Variants in TMEM65 observed in about 807,000 individuals in gnomAD.
TMEM65 encodes the protein transmembrane protein 65.
In TMEM65, 22 loss-of-function variants were observed where a neutral mutation model predicts 25.4. That is an observed-to-expected ratio of 0.86 (90% CI 0.62 to 1.23). The LOEUF (loss-of-function observed/expected upper bound fraction) is 1.23, where lower values mean the gene tolerates loss of function less well. Ranked by LOEUF, TMEM65 falls within the 50% of genes most tolerant of loss-of-function variation. TMEM65 has a pLI of 0.00. For synonymous variants in TMEM65, 132 were observed against 126.2 expected (o/e 1.05, Z -0.31); for missense variants, 262 against 308.2 (o/e 0.85, Z 1.12).
chr8:124,371,997 A>T lies in TMEM65; in HGVS notation c.161T>A (p.Leu54Gln). The T allele has an allele frequency of 7.2e-7, 1 of 1,396,828 alleles. No individual in the cohort carries two copies. The allele number at this position is 1,396,828 out of a possible 1,614,324, so 86.5% of individuals were successfully genotyped here. The change falls in exon 1 of 7, where the codon CTG (leucine) becomes CAG (glutamine). Residue 54 changes from leucine (L) to glutamine (Q), a missense_variant. By Grantham distance (113) the Leu-to-Gln change is moderately radical. Coordinates refer to ENST00000297632, the MANE Select transcript of TMEM65 (RefSeq NM_194291.3). ...GGGCTCCTTCTTGGGGTGCGTGCCC[A>T]GCCGCCTGGGGCCGCCCGGCAAGCC... ...PGGLPGGPRR[L>Q]GTHPKKEPME...
intron 1 of TMEM65, among the ~76,000 whole-genome samples, chr8:124,368,766 G>T (rs1814973780): frequency 6.6e-6 from 1 of 152,178 alleles, no homozygotes; most frequent in African/African-American, 2.4e-5. Flanking sequence ...TGCCACCCCA[G>T]CTGAGAGCTT....
chr8:124,318,869 A>G (rs1814272017), intron 6 of TMEM65, among the ~76,000 whole-genome samples: 1 of 152,160 alleles, frequency 6.6e-6, no homozygotes, highest in African/African-American at 2.4e-5. Context: ...TGACTCTCCT[A>G]TTGAATATTG....
At chr8:124,330,575 T>C (rs1289640476) in intron 2 of TMEM65, among the ~76,000 whole-genome samples, 173 bp downstream of exon 2, 1 of 152,018 alleles carries the variant, frequency 6.6e-6, no homozygotes, top group Non-Finnish European at 1.5e-5. Context: ...TACAATATTG[T>C]GTTACATCCT....
At chr8:124,371,648 C>T (rs973973250) in intron 1 of TMEM65, among the ~76,000 whole-genome samples, 3 of 152,342 alleles carry the variant, frequency 2.0e-5, no homozygotes, top group African/African-American at 7.2e-5. Context: ...CGACCCGCGC[C>T]CGTCCTACCT....
intron 1 of TMEM65, among the ~76,000 whole-genome samples, chr8:124,334,061 T>C (rs1814471713): frequency 6.6e-6 from 1 of 152,110 alleles, no homozygotes; most frequent in Non-Finnish European, 1.5e-5. Flanking sequence ...GCAAAATAAG[T>C]AAAGATTTGA....
chr8:124,361,782 G>A (rs974409514), intron 1 of TMEM65, among the ~76,000 whole-genome samples: 2 of 152,000 alleles, frequency 1.3e-5, no homozygotes, highest in African/African-American at 4.8e-5. Context: ...GTTGCAGTGA[G>A]CGGAGATTGC....
chr8:124,347,190 A>G (rs1814649376), intron 1 of TMEM65, among the ~76,000 whole-genome samples: 2 of 152,212 alleles, frequency 1.3e-5, no homozygotes, highest in Admixed American at 6.5e-5. Flanking sequence ...GCAGAGCTTA[A>G]CTTTTAATTT....
intron 1 of TMEM65, among the ~76,000 whole-genome samples, chr8:124,338,509 C>T (rs1814539529): frequency 6.6e-6 from 1 of 151,800 alleles, no homozygotes; most frequent in South Asian, 2.1e-4. Flanking sequence ...TAATGTTACA[C>T]TCATATTTTC....
At chr8:124,319,971 T>C (rs531901634) in intron 6 of TMEM65, 115 bp downstream of exon 6, 8 of 685,906 alleles carry the variant, frequency 1.2e-5, no homozygotes, top group Non-Finnish European at 1.4e-5. Flanking sequence ...TAGACAATTT[T>C]TGTTAAAAAC....
chr8:124,315,481 C>T (rs914499301), intron 6 of TMEM65, among the ~76,000 whole-genome samples: 2 of 151,922 alleles, frequency 1.3e-5, no homozygotes, highest in Non-Finnish European at 2.9e-5. Flanking sequence ...ACCACCACGC[C>T]CGGCTAATTT....
At chr8:124,337,466 T>C (rs1486900063) in intron 1 of TMEM65, among the ~76,000 whole-genome samples, 2 of 152,046 alleles carry the variant, frequency 1.3e-5, no homozygotes, top group Non-Finnish European at 2.9e-5. Context: ...CAAACTTCTT[T>C]ACATGTCCTC....
Position 124,372,154 on chromosome 8 carries a change from A to T in TMEM65, c.4T>A (p.Ser2Thr), listed in dbSNP as rs1250810314. Residue 2 changes from serine (S) to threonine (T), a missense_variant, in exon 1 of 7, where the codon TCC becomes ACC. Transcript: ENST00000297632. ...CTCCTCAGCAGCGGCAGCAGCCGGG[A>T]CATGGCGAGCTGAGGAGCTGGGACC... is the stretch of plus-strand genomic sequence containing the variant. M[S>T]RLLPLLRSRT... 1 of 1,175,338 alleles carries T rather than the reference A, an allele frequency of 8.5e-7. No individual in the cohort carries two copies. Among genetic ancestry groups the T allele is most frequent in the Non-Finnish European group, 1.1e-6 (1 of 944,668 alleles). The allele number at this position is 1,175,338 out of a possible 1,614,324, so 72.8% of individuals were successfully genotyped here.
intron 1 of TMEM65, among the ~76,000 whole-genome samples, chr8:124,363,072 C>T (rs1455488145): frequency 1.2e-4 from 18 of 152,136 alleles, no homozygotes; most frequent in African/African-American, 4.1e-4. Context: ...TGATTAAGTG[C>T]GTTAAATCTT....
intron 1 of TMEM65, among the ~76,000 whole-genome samples, chr8:124,368,784 A>C (rs2131234165): frequency 6.6e-6 from 1 of 152,274 alleles, no homozygotes. Context: ...CTTGATTTCA[A>C]CTTCTTAAGA....
At chr8:124,318,624 C>T (rs189808747) in intron 6 of TMEM65, among the ~76,000 whole-genome samples, 219 of 152,168 alleles carry the variant, frequency 1.4e-3, no homozygotes, top group African/African-American at 5.1e-3. Context: ...GATCCACCCG[C>T]CTCGGCCTCC....
intron 1 of TMEM65, among the ~76,000 whole-genome samples, chr8:124,354,228 T>A (rs1814747973): frequency 6.6e-6 from 1 of 152,200 alleles, no homozygotes; most frequent in African/African-American, 2.4e-5. Context: ...CTGTTCCAGA[T>A]GGATGGAAAT....
chr8:124,334,588 AC>A (rs1814480505), intron 1 of TMEM65, among the ~76,000 whole-genome samples: 1 of 151,550 alleles, frequency 6.6e-6, no homozygotes. Flanking sequence ...ACATGGTGAA[AC>A]CCCATCTGTA....
chr8:124,356,983 C>T (rs1331722674), intron 1 of TMEM65, among the ~76,000 whole-genome samples: 2 of 152,110 alleles, frequency 1.3e-5, no homozygotes, highest in Admixed American at 6.5e-5. Flanking sequence ...GATGGGATTA[C>T]AGGTGTGAGC....
chr8:124,333,491 G>GTC (rs1269244170), intron 1 of TMEM65, among the ~76,000 whole-genome samples: 3 of 151,566 alleles, frequency 2.0e-5, no homozygotes, highest in African/African-American at 7.3e-5. Context: ...GTGTGTGTGT[G>GTC]TGTGTGTCTG....
Sources: gnomAD v4.1 joint callset for allele counts (sites outside exome capture counted in the v4.1 genomes callset) on GRCh38, gnomAD v4.1.1 for gene constraint, MANE v1.5 for transcripts, NCBI Gene and HGNC (gene_info 2026-07-23, HGNC 2026-07-21) for gene names.